The following SNAP91 variants were observed in gnomAD, a reference collection of about 807,000 sequenced individuals.
SNAP91 encodes the protein clathrin coat assembly protein AP180.
A neutral mutation model predicts 100.3 loss-of-function variants in SNAP91; 27 were observed. The ratio of observed to expected loss-of-function variants is 0.27; its 90% CI spans 0.20 to 0.37. The LOEUF (loss-of-function observed/expected upper bound fraction) is 0.37. Ranked by LOEUF, SNAP91 falls within the 10% of genes least tolerant of loss-of-function variation. SNAP91 has a pLI of 1.00. For missense variants in SNAP91, 986 were observed against 1,123.7 expected, an observed-to-expected ratio of 0.88 and a Z score of 1.75; for synonymous variants, 404 against 398.6, an observed-to-expected ratio of 1.01 and a Z score of -0.16.
At chr6:83,623,164 G>A (rs1228154356) in intron 9 of SNAP91, 137 bp downstream of exon 9, 1 of 611,296 alleles carries the variant, frequency 1.6e-6, no homozygotes, top group East Asian at 2.8e-5. Flanking sequence ...CAATAAATAA[G>A]GTAGAATAAT....
intron 5 of SNAP91, among the ~76,000 whole-genome samples, chr6:83,661,044 A>G (rs912779902): frequency 6.6e-6 from 1 of 152,142 alleles, no homozygotes; most frequent in African/African-American, 2.4e-5. Context: ...CTGAGCTCAA[A>G]TGATCCTCCC....
intron 2 of SNAP91, among the ~76,000 whole-genome samples, chr6:83,699,385 A>G (rs552341565): frequency 6.6e-6 from 1 of 152,262 alleles, no homozygotes; most frequent in East Asian, 1.9e-4. Context: ...AAAACAAAAA[A>G]TATAAATAAA....
intron 9 of SNAP91, among the ~76,000 whole-genome samples, chr6:83,620,280 C>T (rs2096659311): frequency 6.6e-6 from 1 of 152,188 alleles, no homozygotes; most frequent in Admixed American, 6.5e-5. Flanking sequence ...TCCATCTCTT[C>T]TTTAACACTC....
intron 2 of SNAP91, among the ~76,000 whole-genome samples, chr6:83,692,747 C>A (rs994069594): frequency 4.6e-5 from 7 of 152,094 alleles, no homozygotes; most frequent in African/African-American, 1.7e-4. Context: ...GCTTCAGTAG[C>A]AAATCATCAA....
chr6:83,562,858 T>G (rs1790257385), intron 26 of SNAP91, among the ~76,000 whole-genome samples: 1 of 152,200 alleles, frequency 6.6e-6, no homozygotes, highest in South Asian at 2.1e-4. Flanking sequence ...TACCCACTGG[T>G]TGAACACATG....
At chr6:83,707,401 T>C (rs1483338946) in intron 2 of SNAP91, among the ~76,000 whole-genome samples, 1 of 147,780 alleles carries the variant, frequency 6.8e-6, no homozygotes, top group African/African-American at 2.5e-5. Flanking sequence ...AAATTCATCT[T>C]TTTTTTTTTT....
At chr6:83,571,325 G>A (rs958139639) in intron 26 of SNAP91, among the ~76,000 whole-genome samples, 1 of 152,048 alleles carries the variant, frequency 6.6e-6, no homozygotes, top group Non-Finnish European at 1.5e-5. Flanking sequence ...GGATGGTCTC[G>A]ATCTTTTGAC....
intron 11 of SNAP91, among the ~76,000 whole-genome samples, chr6:83,614,366 CTAAATA>C (rs138100346): frequency 0.066 from 10,018 of 152,122 alleles, 335 homozygotes; most frequent in Middle Eastern, 0.085. Context: ...ACACAAGGTA[CTAAATA>C]TAAAGGGCAT....
chr6:83,688,774 C>G (rs992725702), intron 2 of SNAP91, among the ~76,000 whole-genome samples: 2 of 152,112 alleles, frequency 1.3e-5, no homozygotes, highest in Non-Finnish European at 2.9e-5. Context: ...AAGTGAACAT[C>G]ACCATTTCTA....
rs191674358 is a variant in SNAP91 at position 83,575,548 on chromosome 6, C to A, written c.2331-427G>T. ...GTTTCACACAACTGTATCATGACTG[C>A]AACCTGCCTTACAGTGATCGTAAGA... On this transcript the variant is annotated intron_variant, in intron 25 of 29. Coordinates refer to ENST00000369694, the MANE Select transcript of SNAP91 (RefSeq NM_001242792.2). The A allele has an allele frequency of 3.1e-3, 730 of 231,980 alleles. 3 individuals carry two copies. The highest frequency in any genetic ancestry group is 3.2e-3 in the Non-Finnish European group (388 of 121,392). 14.4% of individuals were successfully genotyped at this position (231,980 alleles called of 1,614,324 possible). A position where few individuals can be genotyped will look rare whatever the true frequency, so the allele number is the denominator to read the frequency against.
At chr6:83,624,506 C>G (rs1450471788) in intron 8 of SNAP91, among the ~76,000 whole-genome samples, 1 of 152,094 alleles carries the variant, frequency 6.6e-6, no homozygotes, top group Non-Finnish European at 1.5e-5. Flanking sequence ...AACTGGAGAT[C>G]AGAAAATCCA....
At chr6:83,703,533 T>A (rs1397252119) in intron 2 of SNAP91, among the ~76,000 whole-genome samples, 1 of 152,216 alleles carries the variant, frequency 6.6e-6, no homozygotes, top group Non-Finnish European at 1.5e-5. Flanking sequence ...GCAGATACTT[T>A]ATGAATAAAA....
intron 8 of SNAP91, among the ~76,000 whole-genome samples, chr6:83,638,791 A>C (rs543719106): frequency 1.3e-5 from 2 of 152,312 alleles, no homozygotes; most frequent in African/African-American, 4.8e-5. Context: ...AGAGGATTAA[A>C]GTGTGTTACA....
At chr6:83,704,505 A>G (rs2129064019) in intron 2 of SNAP91, among the ~76,000 whole-genome samples, 1 of 152,300 alleles carries the variant, frequency 6.6e-6, no homozygotes, top group Middle Eastern at 3.4e-3. Flanking sequence ...CTCAGATGTT[A>G]ACAAATCATT....
At chr6:83,604,583 C>T (rs923804241) in intron 14 of SNAP91, among the ~76,000 whole-genome samples, 2 of 152,068 alleles carry the variant, frequency 1.3e-5, no homozygotes, top group East Asian at 3.9e-4. Flanking sequence ...ACAAGACCAC[C>T]AAAGGACATT....
At chr6:83,575,231 G>A in intron 25 of SNAP91, 110 bp from the exon 26 acceptor site, 2 of 757,744 alleles carry the variant, frequency 2.6e-6, no homozygotes, top group Non-Finnish European at 4.5e-6. Flanking sequence ...AGTTTATTTA[G>A]TCAAGTGGTA....
chr6:83,613,994 A>G (rs2096316446), intron 11 of SNAP91, among the ~76,000 whole-genome samples: 2 of 152,216 alleles, frequency 1.3e-5, no homozygotes, highest in Admixed American at 6.5e-5. Context: ...AATTACTACA[A>G]ACTCATGGGT....
At chr6:83,604,212 TTAAAA>T (rs1562302181) in intron 14 of SNAP91, among the ~76,000 whole-genome samples, 1 of 151,690 alleles carries the variant, frequency 6.6e-6, no homozygotes, top group African/African-American at 2.4e-5. Context: ...TATTAGCAAA[TTAAAA>T]TAATCAGTGA....
Position 83,601,511 on chromosome 6 carries a change from A to G in SNAP91, c.1157-73T>C, listed in dbSNP as rs376779601. Reference sequence around the variant, plus strand: ...GGACAAAAGATATACCAGACTCCAAATGATCAAAATAAGGACAGTTGTTAC... The same window carrying G: ...GGACAAAAGATATACCAGACTCCAAGTGATCAAAATAAGGACAGTTGTTAC... On this transcript the variant is annotated intron_variant, in intron 15 of 29. Coordinates refer to ENST00000369694, the MANE Select transcript of SNAP91 (RefSeq NM_001242792.2). The G allele has an allele frequency of 1.3e-4, 202 of 1,610,710 alleles. 1 individual carries two copies. In the East Asian group the frequency reaches 3.5e-3, roughly 28 times the overall value.
Sources: allele counts gnomAD v4.1 joint callset (sites outside exome capture counted in the v4.1 genomes callset), GRCh38; gene constraint gnomAD v4.1.1; transcripts MANE v1.5; gene names NCBI Gene and HGNC (gene_info 2026-07-23, HGNC 2026-07-21).